Variants in PPFIBP2 observed in about 807,000 individuals in gnomAD.
PPFIBP2 encodes liprin-beta-2.
In PPFIBP2, 118 loss-of-function variants were observed where a neutral mutation model predicts 118.3. The ratio of observed to expected loss-of-function variants is 1.00; its 90% CI spans 0.86 to 1.16. PPFIBP2 has a LOEUF of 1.16. PPFIBP2 is among the 50% of genes most tolerant of loss of function. The pLI is 0.00. For missense variants in PPFIBP2, 1,195 were observed against 1,073.1 expected (o/e 1.11, Z -1.59); for synonymous variants, 414 against 397.4 (o/e 1.04, Z -0.50).
intron 2 of PPFIBP2, among the ~76,000 whole-genome samples, chr11:7,551,829 A>G (rs1853032716): frequency 1.3e-5 from 2 of 152,344 alleles, no homozygotes; most frequent in African/African-American, 4.8e-5. Context: ...GGCAAAATTC[A>G]TTTTGTCTCT....
the PPFIBP2 span, among the ~76,000 whole-genome samples, chr11:7,662,356 C>G: frequency 6.6e-6 from 1 of 152,286 alleles, no homozygotes; most frequent in East Asian, 1.9e-4. Flanking sequence ...GTGACAAAAT[C>G]TCTCAGCATT....
At chr11:7,596,389 GT>G (rs58915783) in intron 4 of PPFIBP2, among the ~76,000 whole-genome samples, 2,755 of 139,156 alleles carry the variant, frequency 0.02, 78 homozygotes, top group African/African-American at 0.06. Flanking sequence ...GCCCGTTCTT[GT>G]TTTTTTTTTT....
In PPFIBP2 at chr11:7,528,591, T is replaced by C. The variant is rs117687195; in HGVS notation, c.-37+14470T>C. On this transcript the variant is annotated intron_variant, in intron 1 of 23. Coordinates refer to ENST00000299492, the MANE Select transcript of PPFIBP2 (RefSeq NM_003621.5). ...TAGCAAGAGTGGTACTCCAAGAGGT[T>C]TGGAAGCGTGGGATGAGGGTAAGAG... is the stretch of plus-strand genomic sequence containing the variant. Among the ~76,000 whole-genome samples the C allele has an allele frequency of 3.7e-3, 564 of 152,264 alleles. 2 individuals carry two copies. Among genetic ancestry groups the C allele is most frequent in the Non-Finnish European group, 6.1e-3 (413 of 68,000 alleles).
rs534925079 is a variant in PPFIBP2 at position 7,616,846 on chromosome 11, G to A, written c.619-4089G>A. ...GAGTTTCTTCTAGACTCCATGCCTC[G>A]GTGTTGACACAACAATATGGCACAA... On this transcript the variant is annotated intron_variant, in intron 6 of 23. Transcript: ENST00000299492. The surrounding 1 kb of genome is among the most constrained non-coding windows in gnomAD (Gnocchi z 5.2). Among the ~76,000 whole-genome samples the A allele has an allele frequency of 3.3e-5, 5 of 151,962 alleles. No individual in the cohort carries two copies. The highest frequency in any genetic ancestry group is 9.7e-5 in the African/African-American group (4 of 41,426).
rs748339935 is a variant in PPFIBP2, at chr11:7,650,811, C to G, written c.2122-29C>G. The G allele has an allele frequency of 6.8e-6, 11 of 1,610,720 alleles. No individual in the cohort carries two copies. The South Asian group carries it at 1.2e-4, about 18-fold the overall frequency. On this transcript the variant is annotated intron_variant, in intron 21 of 23. Coordinates refer to ENST00000299492, the MANE Select transcript of PPFIBP2 (RefSeq NM_003621.5). ...CCATGGTGGGACCTATTAAGCCTAA[C>G]TTCCTCACTCTCCTTCTCCCTCTGA...
intron 1 of PPFIBP2, among the ~76,000 whole-genome samples, chr11:7,532,987 G>T (rs114054631): frequency 1.4e-3 from 209 of 151,652 alleles, no homozygotes; most frequent in African/African-American, 4.9e-3. Flanking sequence ...ATAGGCAAAA[G>T]TTACGCACGC....
At chr11:7,560,761 A>G (rs549414182) in intron 2 of PPFIBP2, among the ~76,000 whole-genome samples, 198 of 152,356 alleles carry the variant, frequency 1.3e-3, no homozygotes, top group African/African-American at 3.6e-3. Context: ...TTAACAGTGT[A>G]TGAGGGTACC....
chr11:7,609,664 T>G (rs147745198), intron 5 of PPFIBP2, among the ~76,000 whole-genome samples: 81 of 152,338 alleles, frequency 5.3e-4, no homozygotes, highest in African/African-American at 1.8e-3. Context: ...TGGTCTGTCT[T>G]CACAATTGGG....
At chr11:7,649,328 T>C (rs1400041132) in intron 20 of PPFIBP2, 93 bp downstream of exon 20, 1 of 1,314,000 alleles carries the variant, frequency 7.6e-7, no homozygotes, top group East Asian at 2.3e-5. Flanking sequence ...ATTCCATATA[T>C]TCTTAAGGCC....
intron 2 of PPFIBP2, among the ~76,000 whole-genome samples, chr11:7,549,794 T>C (rs1852762985): frequency 1.3e-5 from 2 of 152,156 alleles, no homozygotes; most frequent in African/African-American, 4.8e-5. Flanking sequence ...CCGTCTCAGT[T>C]TGGATTCTGG....
chr11:7,654,450 C>G (rs146534677), downstream of PPFIBP2, among the ~76,000 whole-genome samples: 241 of 152,350 alleles, frequency 1.6e-3, 1 homozygote, highest in Admixed American at 3.8e-3. Flanking sequence ...GGCCTGGGCA[C>G]GGCCTGATGA....
At chr11:7,636,075 G>A (rs929335517) in intron 14 of PPFIBP2, among the ~76,000 whole-genome samples, 1 of 152,168 alleles carries the variant, frequency 6.6e-6, no homozygotes, top group South Asian at 2.1e-4. Flanking sequence ...TTTTAGGCCA[G>A]TGCACAAAAT....
intron 12 of PPFIBP2, among the ~76,000 whole-genome samples, chr11:7,633,800 C>T (rs1293300114): frequency 2.6e-5 from 4 of 152,170 alleles, no homozygotes; most frequent in African/African-American, 4.8e-5. Flanking sequence ...CCAAGGAACT[C>T]GGACTGACCA....
In PPFIBP2 at chr11:7,653,692, G is replaced by T; in HGVS notation, c.*474G>T. Reference sequence around the variant, plus strand: ...CTTCTGCCACAGTGACAATGGAATTGTGTTGTGCCTTACTTCAGAGGTGGT... The same window carrying T: ...CTTCTGCCACAGTGACAATGGAATTTTGTTGTGCCTTACTTCAGAGGTGGT... On this transcript the variant is annotated 3_prime_UTR_variant, in exon 24 of 24. Coordinates refer to ENST00000299492, the MANE Select transcript of PPFIBP2 (RefSeq NM_003621.5). 4 of 1,283,420 alleles carry T rather than the reference G, an allele frequency of 3.1e-6. No individual in the cohort carries two copies. The highest frequency in any genetic ancestry group is 4.1e-6 in the Non-Finnish European group (4 of 986,454). The allele number at this position is 1,283,420 out of a possible 1,614,324, so 79.5% of individuals were successfully genotyped here. A position where few individuals can be genotyped will look rare whatever the true frequency, so the allele number is the denominator to read the frequency against.
intron 5 of PPFIBP2, among the ~76,000 whole-genome samples, chr11:7,602,151 G>T (rs567184342): frequency 6.6e-6 from 1 of 150,654 alleles, no homozygotes; most frequent in African/African-American, 2.4e-5. Flanking sequence ...GGGAGGGACA[G>T]TCTGAGTCAG....
In PPFIBP2 at chr11:7,593,237, T is replaced by A. The variant is rs925513792; in HGVS notation, c.372+13T>A. ...CCTCATATTGCAGGTGGGTACTTTT[T>A]GGTGAGAATCGGCTTATCCTGTTAC... On this transcript the variant is annotated intron_variant, in intron 4 of 23. Coordinates refer to ENST00000299492, the MANE Select transcript of PPFIBP2 (RefSeq NM_003621.5). 4 of 1,613,280 alleles carry A rather than the reference T, an allele frequency of 2.5e-6. No homozygotes were observed. The African/African-American group carries it at 4.0e-5, about 16-fold the overall frequency.
chr11:7,598,234 GT>G, intron 5 of PPFIBP2: 1 of 289,306 alleles, frequency 3.5e-6, no homozygotes, highest in South Asian at 3.2e-5. Context: ...TTCCAAATCT[GT>G]AATCACAAGA....
Position 7,552,992 on chromosome 11 carries a change from A to G in PPFIBP2, c.64+3453A>G, listed in dbSNP as rs544070223. On this transcript the variant is annotated intron_variant, in intron 2 of 23. Coordinates refer to ENST00000299492, the MANE Select transcript of PPFIBP2 (RefSeq NM_003621.5). Reference sequence around the variant, plus strand: ...GTTTCTTAAGGACAGAGGCTCTGCCACTGTATCTCCAGTGCCATAATTGGT... The same window carrying G: ...GTTTCTTAAGGACAGAGGCTCTGCCGCTGTATCTCCAGTGCCATAATTGGT... 2.6e-5 allele frequency among the ~76,000 whole-genome samples: 4 copies of G among 152,278 alleles called. No individual in the cohort carries two copies. The South Asian group carries it at 8.3e-4, about 32-fold the overall frequency.
At chr11:7,549,652 T>C (rs1852735267) in intron 2 of PPFIBP2, 113 bp downstream of exon 2, 1 of 1,138,014 alleles carries the variant, frequency 8.8e-7, no homozygotes, top group Admixed American at 3.2e-5. Context: ...CCTTTTGTTA[T>C]ATTTATTTTT....
Sources: allele counts gnomAD v4.1 joint callset (sites outside exome capture counted in the v4.1 genomes callset), GRCh38; gene constraint gnomAD v4.1.1; non-coding constraint Gnocchi (gnomAD v3.1); transcripts MANE v1.5; gene names NCBI Gene and HGNC (gene_info 2026-07-23, HGNC 2026-07-21).